The following TMEM132D variants were observed in gnomAD, a reference collection of about 807,000 sequenced individuals.
The protein encoded by TMEM132D is mature OL transmembrane protein.
TMEM132D carries 21 observed loss-of-function variants against 62.3 expected under a neutral mutation model. The observed-to-expected ratio is 0.34, with a 90% CI of 0.24 to 0.49. TMEM132D has a LOEUF of 0.49. TMEM132D is among the 20% of genes least tolerant of loss of function. The pLI, the probability that TMEM132D is intolerant of heterozygous loss-of-function variation, is 0.99. For synonymous variants in TMEM132D, 621 were observed against 575.6 expected (o/e 1.08, Z -1.13); for missense variants, 1,346 against 1,402.8 (o/e 0.96, Z 0.65).
chr12:129,626,580 C>T (rs574868982), intron 2 of TMEM132D, among the ~76,000 whole-genome samples: 14 of 152,176 alleles, frequency 9.2e-5, no homozygotes, highest in African/African-American at 3.4e-4. Context: ...ACCTCAGACT[C>T]CCGAGTAGCT....
intron 4 of TMEM132D, among the ~76,000 whole-genome samples, chr12:129,298,729 G>A (rs945570738): frequency 3.9e-5 from 6 of 152,050 alleles, no homozygotes; most frequent in Non-Finnish European, 5.9e-5. Context: ...GAAATCCTGC[G>A]GTATTTGTCT....
At chr12:129,119,557 A>G (rs1277510322) in intron 5 of TMEM132D, among the ~76,000 whole-genome samples, 1 of 152,250 alleles carries the variant, frequency 6.6e-6, no homozygotes, top group Non-Finnish European at 1.5e-5. Flanking sequence ...CTTAGTTGCC[A>G]AACCTGAAGG....
At chr12:129,367,277 T>C (rs1173100310) in intron 3 of TMEM132D, among the ~76,000 whole-genome samples, 2 of 152,250 alleles carry the variant, frequency 1.3e-5, no homozygotes, top group East Asian at 1.9e-4. Context: ...TGTCTATCCA[T>C]CTATCTGTGT....
At chr12:129,190,080 G>A in intron 5 of TMEM132D, among the ~76,000 whole-genome samples, 1 of 150,466 alleles carries the variant, frequency 6.6e-6, no homozygotes, top group Admixed American at 6.7e-5. Context: ...TGCAGATGGA[G>A]GAAGGGAGTC....
chr12:129,880,917 T>G (rs1056719940), intron 1 of TMEM132D, among the ~76,000 whole-genome samples: 7 of 151,902 alleles, frequency 4.6e-5, no homozygotes, highest in Admixed American at 2.0e-4. Context: ...TCAGACCAAT[T>G]AAAAAATACA....
At chr12:129,422,300 A>G (rs575650048) in intron 3 of TMEM132D, among the ~76,000 whole-genome samples, 1 of 152,312 alleles carries the variant, frequency 6.6e-6, no homozygotes, top group South Asian at 2.1e-4. Flanking sequence ...TGCTGTATCA[A>G]TGTCACAAAT....
chr12:129,617,677 C>A (rs536027502), intron 2 of TMEM132D, among the ~76,000 whole-genome samples: 42 of 152,162 alleles, frequency 2.8e-4, no homozygotes, highest in Admixed American at 1.9e-3. Context: ...GTCAACGGTG[C>A]CTCACACCAG....
chr12:129,374,701 G>A (rs2135682886), intron 3 of TMEM132D, among the ~76,000 whole-genome samples: 1 of 152,204 alleles, frequency 6.6e-6, no homozygotes, highest in East Asian at 1.9e-4. Flanking sequence ...GGCCTTCCAC[G>A]TGGCCAGCAA....
rs75235997 is a variant in TMEM132D at position 129,184,488 on chromosome 12, T to G, written c.1443+25032A>C. Reference sequence around the variant, plus strand: ...CCGTCTGGCTGATCTCAGCACCCTGTCGCTCCAGGGCACATTTCATGGGAT... The same window carrying G: ...CCGTCTGGCTGATCTCAGCACCCTGGCGCTCCAGGGCACATTTCATGGGAT... On this transcript the variant is annotated intron_variant, in intron 5 of 8. Transcript: ENST00000422113. Among the ~76,000 whole-genome samples, 853 of 152,316 alleles carry G rather than the reference T, an allele frequency of 5.6e-3. 11 individuals are homozygous for G. Among genetic ancestry groups the G allele is most frequent in the African/African-American group, 0.02 (822 of 41,552 alleles).
rs190381006 is a variant in TMEM132D at position 129,469,364 on chromosome 12, C to T, written c.1115+61695G>A. 2.3e-3 allele frequency among the ~76,000 whole-genome samples: 357 copies of T among 152,318 alleles called. 5 individuals carry two copies. Among genetic ancestry groups the T allele is most frequent in the South Asian group, 0.017 (84 of 4,830 alleles). ...TCTCAAGCTCTCAAGATGTGCCCCC[C>T]GTGTCACCTGGGAGCTTGTTAAAAA... On this transcript the variant is annotated intron_variant, in intron 3 of 8. Transcript: ENST00000422113.
At chr12:129,636,542 C>T (rs767108785) in intron 2 of TMEM132D, among the ~76,000 whole-genome samples, 4 of 152,104 alleles carry the variant, frequency 2.6e-5, no homozygotes, top group Non-Finnish European at 2.9e-5. Flanking sequence ...TTTGAAATCC[C>T]CTCAGTCAAG....
intron 3 of TMEM132D, among the ~76,000 whole-genome samples, chr12:129,526,578 C>A (rs1876048462): frequency 1.3e-5 from 2 of 152,312 alleles, no homozygotes; most frequent in Admixed American, 6.5e-5. Context: ...CCACCACTCC[C>A]AGCCTCTTCT....
intron 3 of TMEM132D, among the ~76,000 whole-genome samples, chr12:129,441,304 G>A (rs1368150828): frequency 2.0e-5 from 3 of 152,176 alleles, no homozygotes; most frequent in Admixed American, 6.5e-5. Flanking sequence ...AAGAGCGAGT[G>A]CACTAGTTAC....
chr12:129,531,691 G>A (rs1876230709), intron 2 of TMEM132D, among the ~76,000 whole-genome samples: 1 of 152,168 alleles, frequency 6.6e-6, no homozygotes, highest in Non-Finnish European at 1.5e-5. Context: ...CCCAAAATGA[G>A]GGGGCTGAGG....
At chr12:129,727,916 G>A (rs780556384) in intron 1 of TMEM132D, among the ~76,000 whole-genome samples, 8 of 152,042 alleles carry the variant, frequency 5.3e-5, no homozygotes, top group Non-Finnish European at 1.0e-4. Flanking sequence ...CCCTGCATAC[G>A]TTTATACAAT....
At chr12:129,528,235 C>G (rs931633740) in intron 3 of TMEM132D, among the ~76,000 whole-genome samples, 2 of 152,136 alleles carry the variant, frequency 1.3e-5, no homozygotes, top group Non-Finnish European at 2.9e-5. Context: ...TTAAGAAAAA[C>G]ACATCTCATC....
chr12:129,274,838 G>T (rs975898257), intron 4 of TMEM132D, among the ~76,000 whole-genome samples: 1 of 152,222 alleles, frequency 6.6e-6, no homozygotes, highest in Admixed American at 6.5e-5. Flanking sequence ...AGTGAGCCGA[G>T]ATAGCGCCAC....
intron 2 of TMEM132D, among the ~76,000 whole-genome samples, chr12:129,654,394 A>C (rs1013184389): frequency 6.6e-6 from 1 of 151,276 alleles, no homozygotes; most frequent in African/African-American, 2.4e-5. Context: ...TTTCCTAATC[A>C]CTCTTCTCGA....
At position 129,153,513 on chromosome 12, in the gene TMEM132D, A is replaced by G. The variant is rs946602623; in HGVS notation, c.1443+56007T>C. Among the ~76,000 whole-genome samples, 63 of 152,098 alleles carry G rather than the reference A, an allele frequency of 4.1e-4. 1 individual carries two copies. The highest frequency in any genetic ancestry group is 1.5e-4 in the Non-Finnish European group (10 of 68,006). On this transcript the variant is annotated intron_variant, in intron 5 of 8. Coordinates refer to ENST00000422113, the MANE Select transcript of TMEM132D (RefSeq NM_133448.3). The stretch of plus-strand genomic sequence containing the variant: ...GCTGTGCCGTGAAGAATGGAAGGAG[A>G]GCAGTACATACTAATTATTTCTACC...
Sources: gnomAD v4.1 joint callset for allele counts (sites outside exome capture counted in the v4.1 genomes callset) on GRCh38, gnomAD v4.1.1 for gene constraint, MANE v1.5 for transcripts, NCBI Gene and HGNC (gene_info 2026-07-23, HGNC 2026-07-21) for gene names.